The following LNX1 variants were observed in gnomAD, a reference collection of about 807,000 sequenced individuals.
The protein encoded by LNX1 is ligand of numb-protein X 1.
A neutral mutation model predicts 68.4 loss-of-function variants in LNX1; 54 were observed. The observed-to-expected ratio is 0.79, with a 90% confidence interval of 0.63 to 0.99. LNX1 has a LOEUF of 0.99. Ranked by LOEUF, LNX1 falls within the 50% of genes least tolerant of loss-of-function variation. The pLI, the probability that LNX1 is intolerant of heterozygous loss-of-function variation, is 0.00. For synonymous variants in LNX1, 336 were observed against 350.0 expected (o/e 0.96, Z 0.45); for missense variants, 906 against 926.4 (o/e 0.98, Z 0.29).
At chr4:53,593,784 T>C (rs1451163479), upstream of LNX1, 6 of 152,214 alleles carry the variant, frequency 3.9e-5, no homozygotes, top group Admixed American at 2.0e-4. Context: ...TGCTACTTAT[T>C]GTTCTGAGCA....
intron 2 of LNX1, among the ~76,000 whole-genome samples, chr4:53,614,344 C>G (rs531407147): frequency 1.5e-4 from 23 of 152,250 alleles, no homozygotes; most frequent in African/African-American, 5.3e-4. Flanking sequence ...CCATGACACA[C>G]CATTTCATCT....
rs1731322944 is a variant in LNX1, at chr4:53,573,871, G to A, written c.132C>T (p.Cys44=). The A allele has an allele frequency of 6.2e-7, 1 of 1,613,804 alleles. No individual in the cohort carries two copies. Among genetic ancestry groups the A allele is most frequent in the African/African-American group, 1.3e-5 (1 of 75,042 alleles). ...EVDDDLICHI[C]LQALLDPLDT... Reference sequence around the variant, plus strand: ...CCAGGGGGTCCAGCAAAGCCTGCAGGCAGATGTGGCAGATGAGGTCATCAT... The same window carrying A: ...CCAGGGGGTCCAGCAAAGCCTGCAGACAGATGTGGCAGATGAGGTCATCAT... The change falls in exon 2 of 11, where the codon TGC becomes TGT. Residue 44 remains cysteine (C), a synonymous_variant. Coordinates refer to ENST00000263925, the MANE Select transcript of LNX1 (RefSeq NM_001126328.3).
Position 53,476,748 on chromosome 4 carries a change from C to CT in LNX1, c.1892+4dup, listed in dbSNP as rs756191896. On this transcript the variant is annotated splice_donor_region_variant and intron_variant, in intron 9 of 10. Coordinates refer to ENST00000263925, the MANE Select transcript of LNX1 (RefSeq NM_001126328.3). Reference sequence around the variant, plus strand: ...CCCCTACAGGGATGTTGTGTTTGGACTTACCGTGGTAATTCCAGCCACATG... The same window carrying CT: ...CCCCTACAGGGATGTTGTGTTTGGACTTTACCGTGGTAATTCCAGCCACATG... The CT allele has an allele frequency of 6.2e-7, 1 of 1,610,968 alleles. No individual in the cohort carries two copies. The highest frequency in any genetic ancestry group is 8.5e-7 in the Non-Finnish European group (1 of 1,177,100).
chr4:53,623,794 T>A (rs2109863123), intron 1 of LNX1, among the ~76,000 whole-genome samples: 1 of 152,218 alleles, frequency 6.6e-6, no homozygotes, highest in South Asian at 2.1e-4. Context: ...TGCTATTTTA[T>A]AGAAGAGGAA....
intron 2 of LNX1, among the ~76,000 whole-genome samples, chr4:53,601,525 G>T (rs868768950): frequency 6.6e-6 from 1 of 152,198 alleles, no homozygotes; most frequent in African/African-American, 2.4e-5. Context: ...CACTGTTCGC[G>T]TTCTGGCCAC....
At chr4:53,613,587 C>G (rs1560694312) in intron 2 of LNX1, among the ~76,000 whole-genome samples, 1 of 152,168 alleles carries the variant, frequency 6.6e-6, no homozygotes, top group Non-Finnish European at 1.5e-5. Flanking sequence ...TGTTACCTTG[C>G]TAAGGATAAT....
intron 2 of LNX1, among the ~76,000 whole-genome samples, chr4:53,606,657 A>C (rs1560691778): frequency 6.6e-6 from 1 of 152,192 alleles, no homozygotes; most frequent in East Asian, 1.9e-4. Flanking sequence ...CAATAAAAAA[A>C]GAAAACTTCA....
chr4:53,559,251 G>A (rs2109732743), intron 2 of LNX1, among the ~76,000 whole-genome samples: 1 of 152,318 alleles, frequency 6.6e-6, no homozygotes, highest in East Asian at 1.9e-4. Flanking sequence ...CTTAGAATGT[G>A]CAGATTTAAT....
Position 53,498,230 on chromosome 4 carries a change from T to C in LNX1, c.978+411A>G, listed in dbSNP as rs1200740493. Among the ~76,000 whole-genome samples the C allele has an allele frequency of 2.6e-5, 4 of 152,174 alleles. No homozygotes were observed. The East Asian group carries it at 7.7e-4, about 29-fold the overall frequency. ...TTAAATAAAATACAAAATGTTCTAT[T>C]AATCTACTCTAAAAACAATTTAAGA... On this transcript the variant is annotated intron_variant, in intron 5 of 10. Transcript: ENST00000263925.
chr4:53,493,182 T>C (rs1186162106), intron 6 of LNX1, among the ~76,000 whole-genome samples: 1 of 152,170 alleles, frequency 6.6e-6, no homozygotes, highest in African/African-American at 2.4e-5. Context: ...TTGGCCAGGC[T>C]GGTCTCGAAC....
At chr4:53,478,051 T>A (rs928312670) in intron 8 of LNX1, among the ~76,000 whole-genome samples, 2 of 152,178 alleles carry the variant, frequency 1.3e-5, no homozygotes, top group Non-Finnish European at 2.9e-5. Flanking sequence ...CTTCCTTTAT[T>A]TACTCAAAGT....
chr4:53,631,839 T>C (rs899260393), intron 1 of LNX1, among the ~76,000 whole-genome samples: 11 of 151,366 alleles, frequency 7.3e-5, no homozygotes, highest in African/African-American at 2.7e-4. Context: ...ATTCAGAGTC[T>C]CTTTGGAGGT....
chr4:53,481,936 T>A, intron 6 of LNX1, 82 bp from the exon 7 acceptor site: 1 of 1,424,124 alleles, frequency 7.0e-7, no homozygotes, highest in Non-Finnish European at 9.3e-7. Context: ...AAACATCACT[T>A]TGATTATACC....
intron 1 of LNX1, among the ~76,000 whole-genome samples, chr4:53,651,276 C>T (rs1735086280): frequency 6.6e-6 from 1 of 152,210 alleles, no homozygotes; most frequent in African/African-American, 2.4e-5. Flanking sequence ...AAGCTCACCT[C>T]TTTAGGGGAG....
At chr4:53,571,018 C>T (rs1731125880) in intron 2 of LNX1, among the ~76,000 whole-genome samples, 1 of 149,784 alleles carries the variant, frequency 6.7e-6, no homozygotes. Flanking sequence ...CAGAGCCAGA[C>T]TCCGTCTAAA....
chr4:53,543,250 C>T (rs1206841258), intron 2 of LNX1, among the ~76,000 whole-genome samples: 1 of 152,198 alleles, frequency 6.6e-6, no homozygotes, highest in East Asian at 1.9e-4. Context: ...CTTGGCAAGG[C>T]CTGCTTATGT....
At chr4:53,545,925 A>T (rs1355226146) in intron 2 of LNX1, among the ~76,000 whole-genome samples, 2 of 151,012 alleles carry the variant, frequency 1.3e-5, no homozygotes, top group Non-Finnish European at 2.9e-5. Context: ...CTCCCGCCTC[A>T]ACCTCCTGAG....
Position 53,460,743 on chromosome 4 carries a change from A to AT in LNX1, c.*163dup. The AT allele has an allele frequency of 1.5e-6, 1 of 663,304 alleles. No individual in the cohort carries two copies. The highest frequency in any genetic ancestry group is 2.4e-6 in the Non-Finnish European group (1 of 408,828). 41.1% of individuals were successfully genotyped at this position (663,304 alleles called of 1,614,324 possible). ...TAGTAGTTTTAATTTTTTTGGAATC[A>AT]TATTTTCTGAGGTGTAACTGGCTTT... On this transcript the variant is annotated 3_prime_UTR_variant, in exon 11 of 11. Transcript: ENST00000263925.
chr4:53,495,468 G>A (rs1395195707), intron 6 of LNX1, among the ~76,000 whole-genome samples: 2 of 151,260 alleles, frequency 1.3e-5, no homozygotes, highest in Admixed American at 1.3e-4. Flanking sequence ...GTTTCCAAGT[G>A]CTTTCGAAGT....
Sources: gnomAD v4.1 joint callset for allele counts (sites outside exome capture counted in the v4.1 genomes callset) on GRCh38, gnomAD v4.1.1 for gene constraint, MANE v1.5 for transcripts, NCBI Gene and HGNC (gene_info 2026-07-23, HGNC 2026-07-21) for gene names.